Variants in FGGY observed in about 807,000 individuals in gnomAD.
FGGY encodes FGGY carbohydrate kinase domain-containing protein.
FGGY carries 72 observed loss-of-function variants against 71.3 expected under a neutral mutation model. That is an observed-to-expected ratio of 1.01 (90% confidence interval 0.84 to 1.23). The LOEUF is 1.23. Ranked by LOEUF, FGGY falls within the 50% of genes most tolerant of loss-of-function variation. FGGY has a pLI of 0.00. For missense variants in FGGY, 668 were observed against 682.3 expected, an observed-to-expected ratio of 0.98 and a Z score of 0.23; for synonymous variants, 251 against 250.3, an observed-to-expected ratio of 1.00 and a Z score of -0.02.
chr1:59,322,785 G>A (rs975835672), intron 2 of FGGY, among the ~76,000 whole-genome samples: 2 of 152,140 alleles, frequency 1.3e-5, no homozygotes, highest in Non-Finnish European at 2.9e-5. Context: ...TTGACTGTTT[G>A]ATTTTATGTC....
rs192176357 is a variant in FGGY, at chr1:59,605,758, G to A, written c.904-2045G>A. The stretch of plus-strand genomic sequence containing the variant: ...CTTGTTTAGTAAAGAGAGAACCGGG[G>A]TAGCTGAGGTCAAGACAAATAAGGT... On this transcript the variant is annotated intron_variant, in intron 8 of 15. Transcript: ENST00000303721. Among the ~76,000 whole-genome samples, 106 of 152,234 alleles carry A rather than the reference G, an allele frequency of 7.0e-4. 1 individual carries two copies. The highest frequency in any genetic ancestry group is 1.2e-3 in the Non-Finnish European group (84 of 68,014).
chr1:59,349,404 T>C (rs1184425368), intron 4 of FGGY, among the ~76,000 whole-genome samples: 1 of 152,168 alleles, frequency 6.6e-6, no homozygotes, highest in Non-Finnish European at 1.5e-5. Context: ...GGAGGGTCAT[T>C]GGTTCAGTGT....
At position 59,542,597 on chromosome 1, in the gene FGGY, C is replaced by T. The variant is rs2095461000; in HGVS notation, c.800-11527C>T. ...TCAGCGTCCCGAGTACCTGGGATTA[C>T]AGGCATGCACCACCACGCCCGGCTA... is the stretch of plus-strand genomic sequence containing the variant. On this transcript the variant is annotated intron_variant, in intron 7 of 15. Transcript: ENST00000303721. Among the ~76,000 whole-genome samples the T allele has an allele frequency of 2.6e-5, 4 of 151,604 alleles. No individual in the cohort carries two copies. The South Asian group carries it at 8.3e-4, about 32-fold the overall frequency.
chr1:59,591,967 C>T (rs956964445), intron 8 of FGGY, among the ~76,000 whole-genome samples: 1 of 152,116 alleles, frequency 6.6e-6, no homozygotes, highest in Non-Finnish European at 1.5e-5. Context: ...AGAGCTTCTG[C>T]ACAGCAAAAG....
chr1:59,344,791 G>C lies in FGGY; in HGVS notation c.314-1456G>C, dbSNP rs190824072. 2.4e-3 allele frequency among the ~76,000 whole-genome samples: 361 copies of C among 152,226 alleles called. 2 individuals are homozygous for C. The highest frequency in any genetic ancestry group is 3.5e-3 in the Non-Finnish European group (241 of 68,014). The stretch of plus-strand genomic sequence containing the variant: ...TTAGGGAATAATGGCAAGTAAAAAA[G>C]TCTGTACACATTCAGTACAGATGCA... On this transcript the variant is annotated intron_variant, in intron 3 of 15. Coordinates refer to ENST00000303721, the MANE Select transcript of FGGY (RefSeq NM_018291.5).
intron 8 of FGGY, among the ~76,000 whole-genome samples, chr1:59,570,940 ATTGGTCTCC>A (rs555893769): frequency 6.2e-4 from 94 of 152,264 alleles, no homozygotes; most frequent in African/African-American, 1.3e-3. Context: ...GAAAGCGTTA[ATTGGTCTCC>A]TTGGTTTTCC....
intron 7 of FGGY, among the ~76,000 whole-genome samples, chr1:59,538,189 A>G (rs1360901911): frequency 3.3e-5 from 5 of 152,328 alleles, no homozygotes; most frequent in South Asian, 2.1e-4. Flanking sequence ...CGAGGGACAT[A>G]AACAGACACT....
intron 8 of FGGY, among the ~76,000 whole-genome samples, chr1:59,571,228 G>T (rs2095980238): frequency 6.6e-6 from 1 of 152,186 alleles, no homozygotes; most frequent in Admixed American, 6.5e-5. Flanking sequence ...GGAAAATGTA[G>T]TCTGGTAGAA....
chr1:59,310,718 T>G (rs2044164683), intron 1 of FGGY, among the ~76,000 whole-genome samples: 1 of 152,172 alleles, frequency 6.6e-6, no homozygotes, highest in African/African-American at 2.4e-5. Context: ...TCCATCGTCC[T>G]TCTCTCCTCA....
intron 7 of FGGY, among the ~76,000 whole-genome samples, chr1:59,517,871 T>C (rs1454470532): frequency 6.6e-6 from 1 of 152,226 alleles, no homozygotes; most frequent in Non-Finnish European, 1.5e-5. Context: ...TAACCTCTCA[T>C]TCAAAGGCAA....
Position 59,716,751 on chromosome 1 carries a change from C to T in FGGY, c.1513-41180C>T, listed in dbSNP as rs2100487291. On this transcript the variant is annotated intron_variant, in intron 14 of 15. Coordinates refer to ENST00000303721, the MANE Select transcript of FGGY (RefSeq NM_018291.5). ...GGGGAGGGGAGGGCTCTCAAGTTTC[C>T]TGGTCAAATGTGAACTGTGCCTTGA... 3.3e-5 allele frequency among the ~76,000 whole-genome samples: 5 copies of T among 152,220 alleles called. No individual in the cohort carries two copies. In the Middle Eastern group the frequency reaches 0.017, roughly 518 times the overall value.
intron 5 of FGGY, among the ~76,000 whole-genome samples, chr1:59,441,167 A>T (rs563311135): frequency 6.6e-6 from 1 of 152,208 alleles, no homozygotes; most frequent in Admixed American, 6.5e-5. Context: ...CTCTGAGCTA[A>T]TCAAGGGAGA....
chr1:59,716,693 G>A (rs1256037549), intron 14 of FGGY, among the ~76,000 whole-genome samples: 1 of 152,204 alleles, frequency 6.6e-6, no homozygotes, highest in East Asian at 1.9e-4. Flanking sequence ...AAGTGAGTGT[G>A]AATTCAGAGA....
intron 14 of FGGY, among the ~76,000 whole-genome samples, chr1:59,676,315 T>C (rs1348370006): frequency 6.6e-6 from 1 of 152,178 alleles, no homozygotes; most frequent in African/African-American, 2.4e-5. Flanking sequence ...TCTGGGTCTA[T>C]ATCTTATCCT....
At chr1:59,754,996 C>T (rs1172078104) in intron 14 of FGGY, 1 of 152,206 alleles carries the variant, frequency 6.6e-6, no homozygotes, top group Non-Finnish European at 1.5e-5. Context: ...AGCAGATTCT[C>T]TGCTGGTCTG....
chr1:59,586,363 T>G lies in FGGY; in HGVS notation c.904-21440T>G, dbSNP rs149966615. Among the ~76,000 whole-genome samples the G allele has an allele frequency of 8.0e-3, 1,217 of 152,240 alleles. 5 individuals carry two copies. The highest frequency in any genetic ancestry group is 0.012 in the Non-Finnish European group (818 of 68,016). ...TGAGTTCATGTCCTTTGTAGGGACA[T>G]GGATGAAGCTGGAAACCATCATTCT... On this transcript the variant is annotated intron_variant, in intron 8 of 15. Transcript: ENST00000303721.
chr1:59,677,900 T>C (rs952194900), intron 14 of FGGY, among the ~76,000 whole-genome samples: 1 of 151,372 alleles, frequency 6.6e-6, no homozygotes, highest in East Asian at 2.0e-4. Context: ...CTCTCTCCCT[T>C]TAGACATCTA....
chr1:59,667,292 C>G lies in FGGY; in HGVS notation c.1306C>G (p.Arg436Gly), dbSNP rs745570730. The change falls in exon 13 of 16, where the codon CGC (arginine) becomes GGC (glycine). Residue 436 changes from arginine to glycine, a missense_variant. Arg to Gly is a moderately radical substitution (Grantham distance 125). This residue lies in a region of FGGY where 661 missense variants were observed against 661.6 expected (regional missense o/e 1.00). Transcript: ENST00000303721. The part of the protein sequence containing the change: ...ATVQAIALGT[R>G]FIIEAMEAAG... The stretch of plus-strand genomic sequence containing the variant: ...TGCTTTTCCTTTCAAGTTGGGGACT[C>G]GCTTCATTATAGAAGCCATGGAGGC... 3.7e-6 allele frequency: 6 copies of G among 1,613,958 alleles called. No individual in the cohort carries two copies. The highest frequency in any genetic ancestry group is 4.2e-6 in the Non-Finnish European group (5 of 1,180,004).
intron 8 of FGGY, among the ~76,000 whole-genome samples, chr1:59,581,455 A>G (rs1051096221): frequency 2.0e-5 from 3 of 149,970 alleles, no homozygotes; most frequent in Non-Finnish European, 4.4e-5. Context: ...TCATTATAAC[A>G]TTGCTTCTGT....
Sources: allele counts gnomAD v4.1 joint callset (sites outside exome capture counted in the v4.1 genomes callset), GRCh38; gene constraint gnomAD v4.1.1; regional missense constraint gnomAD v4.1.1; transcripts MANE v1.5; gene names NCBI Gene and HGNC (gene_info 2026-07-23, HGNC 2026-07-21).